RNF217: variants seen among roughly 807,000 people sequenced by gnomAD.
RNF217 encodes the protein E3 ubiquitin-protein ligase RNF217.
Under a neutral mutation model 57.8 loss-of-function variants are expected in RNF217, and 31 were observed. The observed-to-expected ratio is 0.54, with a 90% CI of 0.40 to 0.72. The LOEUF (loss-of-function observed/expected upper bound fraction) is 0.72, where lower values mean the gene tolerates loss of function less well. Ranked by LOEUF, RNF217 falls within the 30% of genes least tolerant of loss-of-function variation. RNF217 has a pLI of 0.00. For synonymous variants in RNF217, 313 were observed against 294.0 expected (o/e 1.06, Z -0.66); for missense variants, 696 against 708.3 (o/e 0.98, Z 0.20).
intron 4 of RNF217, among the ~76,000 whole-genome samples, 167 bp downstream of exon 4, chr6:125,077,025 T>C (rs1387975763): frequency 1.3e-5 from 2 of 152,202 alleles, no homozygotes; most frequent in African/African-American, 4.8e-5. Flanking sequence ...TAAATTTTGT[T>C]ACCAGGACAC....
intron 3 of RNF217, among the ~76,000 whole-genome samples, chr6:125,063,887 A>G (rs1582768102): frequency 6.6e-6 from 1 of 152,190 alleles, no homozygotes; most frequent in Non-Finnish European, 1.5e-5. Context: ...TTTACTTGTC[A>G]TGATATTTCC....
intron 1 of RNF217, among the ~76,000 whole-genome samples, chr6:124,995,006 A>T (rs1188396276): frequency 6.6e-6 from 1 of 152,218 alleles, no homozygotes; most frequent in African/African-American, 2.4e-5. Context: ...GTATCCAAGT[A>T]TTAACCTAAG....
At chr6:124,973,962 C>T (rs557905877) in intron 1 of RNF217, among the ~76,000 whole-genome samples, 63 of 152,312 alleles carry the variant, frequency 4.1e-4, no homozygotes, top group African/African-American at 1.4e-3. Context: ...CAGCTGATGC[C>T]GGCCGTTGTC....
intron 1 of RNF217, among the ~76,000 whole-genome samples, chr6:125,001,526 AAAT>A (rs1200158180): frequency 6.6e-6 from 1 of 152,228 alleles, no homozygotes; most frequent in Admixed American, 6.5e-5. Context: ...GTGACAATTG[AAAT>A]AATTAAGTAA....
chr6:125,076,933 C>A, intron 4 of RNF217, 75 bp downstream of exon 4: 1 of 1,273,850 alleles, frequency 7.9e-7, no homozygotes, highest in Non-Finnish European at 1.1e-6. Context: ...AATGTGCAGC[C>A]ATGGTAATTC....
intron 1 of RNF217, among the ~76,000 whole-genome samples, chr6:124,975,600 A>G (rs1783926942): frequency 6.6e-6 from 1 of 151,736 alleles, no homozygotes; most frequent in Admixed American, 6.6e-5. Flanking sequence ...CTGGCTAATT[A>G]TTTTTTGTTT....
intron 1 of RNF217, among the ~76,000 whole-genome samples, chr6:125,035,486 A>G (rs1786569340): frequency 6.6e-6 from 1 of 152,204 alleles, no homozygotes; most frequent in Non-Finnish European, 1.5e-5. Flanking sequence ...AAAATACTTT[A>G]CAGACTATTT....
intron 3 of RNF217, among the ~76,000 whole-genome samples, chr6:125,067,840 C>A (rs1787992433): frequency 2.0e-5 from 3 of 151,972 alleles, no homozygotes; most frequent in African/African-American, 7.2e-5. Context: ...ACTCAAGGAG[C>A]AAATGCAAAG....
rs533931172 is a variant in RNF217, at chr6:125,045,615, A to G, written c.1116+171A>G. ...GGTTTGGGGAGGCTGATGATAAGAGAGTGCTCTTAAGGAATTAATTACAGT... is the reference window on the plus strand; with the variant it reads ...GGTTTGGGGAGGCTGATGATAAGAGGGTGCTCTTAAGGAATTAATTACAGT... On this transcript the variant is annotated intron_variant, in intron 2 of 5. Transcript: ENST00000521654. Among the ~76,000 whole-genome samples the G allele has an allele frequency of 2.0e-5, 3 of 152,222 alleles. No homozygotes were observed. In the South Asian group the frequency reaches 6.2e-4, roughly 32 times the overall value.
rs1282368796 is a variant in RNF217, at chr6:124,963,199, G to A, written c.655G>A (p.Asp219Asn). ...LSLPTDSLSP[D>N]GGSIELEFYL... ...CCTCCCAACGGATTCCCTCTCCCCC[G>A]ACGGCGGCAGCATCGAGCTGGAGTT... The change falls in exon 1 of 6, where the codon GAC becomes AAC. Residue 219 changes from aspartate (D) to asparagine (N), a missense_variant. This residue lies in a region of RNF217 where 465 missense variants were observed against 386.8 expected (regional missense o/e 1.20). Coordinates refer to ENST00000521654, the MANE Select transcript of RNF217 (RefSeq NM_001286398.3). 2.0e-6 allele frequency: 3 copies of A among 1,535,904 alleles called. 1 individual carries two copies. Among genetic ancestry groups the A allele is most frequent in the Non-Finnish European group, 1.7e-6 (2 of 1,146,894 alleles).
intron 1 of RNF217, among the ~76,000 whole-genome samples, chr6:124,994,997 T>C (rs1451941721): frequency 6.6e-6 from 1 of 152,218 alleles, no homozygotes. Flanking sequence ...GGATGTTACG[T>C]ATCCAAGTAT....
intron 3 of RNF217, among the ~76,000 whole-genome samples, chr6:125,067,368 C>CTGCT (rs2114615294): frequency 6.6e-6 from 1 of 152,164 alleles, no homozygotes; most frequent in South Asian, 2.1e-4. Flanking sequence ...TTTAGGTTGG[C>CTGCT]TGCTTGTTGA....
At chr6:125,055,535 G>A (rs1347372217) in intron 2 of RNF217, among the ~76,000 whole-genome samples, 2 of 152,134 alleles carry the variant, frequency 1.3e-5, no homozygotes, top group African/African-American at 2.4e-5. Context: ...CATTTATAGA[G>A]CGAATCCGAG....
chr6:125,025,426 T>G (rs2114437433), intron 1 of RNF217, among the ~76,000 whole-genome samples: 1 of 152,246 alleles, frequency 6.6e-6, no homozygotes. Flanking sequence ...TCAGTTTGAG[T>G]GTCTGAAGTT....
At chr6:125,015,392 T>C (rs974318440) in intron 1 of RNF217, among the ~76,000 whole-genome samples, 8 of 152,228 alleles carry the variant, frequency 5.3e-5, no homozygotes, top group Middle Eastern at 3.4e-3. Context: ...TAATCAGAAA[T>C]GCCCACAAAC....
intron 1 of RNF217, chr6:124,971,507 G>GT (rs1783758835): frequency 3.1e-6 from 1 of 325,600 alleles, no homozygotes; most frequent in Non-Finnish European, 6.1e-6. Flanking sequence ...CCAGGCTGGA[G>GT]TGCAGTGGCA....
At chr6:125,082,246 G>T (rs886162669) in intron 5 of RNF217, among the ~76,000 whole-genome samples, 1 of 152,014 alleles carries the variant, frequency 6.6e-6, no homozygotes, top group Non-Finnish European at 1.5e-5. Flanking sequence ...TAAGCTAAAT[G>T]CTATAGATAA....
intron 1 of RNF217, among the ~76,000 whole-genome samples, chr6:125,010,301 A>G (rs1254599526): frequency 6.6e-6 from 1 of 152,056 alleles, no homozygotes; most frequent in Non-Finnish European, 1.5e-5. Context: ...TGTCTATTTT[A>G]TTCTCATTTA....
At chr6:125,048,082 A>C (rs1490050317) in intron 2 of RNF217, 3 of 644,698 alleles carry the variant, frequency 4.7e-6, no homozygotes, top group Admixed American at 3.4e-5. Context: ...ATTTTTCATC[A>C]TTAAACTCTG....
Sources: gnomAD v4.1 joint callset for allele counts (sites outside exome capture counted in the v4.1 genomes callset) on GRCh38, gnomAD v4.1.1 for gene constraint, gnomAD v4.1.1 regional missense constraint, MANE v1.5 for transcripts, NCBI Gene and HGNC (gene_info 2026-07-23, HGNC 2026-07-21) for gene names.